ASTN1: variants seen among roughly 807,000 people sequenced by gnomAD.
ASTN1 encodes the protein astrotactin-1.
Under a neutral mutation model 140.7 loss-of-function variants are expected in ASTN1, and 41 were observed. The ratio of observed to expected loss-of-function variants is 0.29; its 90% confidence interval spans 0.23 to 0.38. The LOEUF (loss-of-function observed/expected upper bound fraction) is 0.38, where lower values mean the gene tolerates loss of function less well. Ranked by LOEUF, ASTN1 falls within the 10% of genes least tolerant of loss-of-function variation. The pLI is 1.00. For synonymous variants in ASTN1, 640 were observed against 652.2 expected (o/e 0.98, Z 0.29); for missense variants, 1,479 against 1,678.8 (o/e 0.88, Z 2.08).
intron 16 of ASTN1, among the ~76,000 whole-genome samples, chr1:176,901,114 G>T (rs1228493182): frequency 6.6e-6 from 1 of 152,156 alleles, no homozygotes; most frequent in Non-Finnish European, 1.5e-5. Context: ...GGGTTCTTTT[G>T]AGATGCTCTG....
intron 2 of ASTN1, among the ~76,000 whole-genome samples, chr1:177,042,274 A>G (rs1480682397): frequency 6.6e-6 from 1 of 152,098 alleles, no homozygotes; most frequent in African/African-American, 2.4e-5. Flanking sequence ...GTGCCGTGAG[A>G]TCTGGTGTGA....
intron 1 of ASTN1, among the ~76,000 whole-genome samples, chr1:177,104,549 T>G (rs1311767056): frequency 2.0e-5 from 3 of 152,200 alleles, no homozygotes; most frequent in Non-Finnish European, 4.4e-5. Flanking sequence ...TCCATTAATA[T>G]TCCCCACATA....
chr1:177,111,882 C>T (rs750821530), intron 1 of ASTN1, among the ~76,000 whole-genome samples: 1 of 152,162 alleles, frequency 6.6e-6, no homozygotes, highest in Admixed American at 6.5e-5. Context: ...CGTGAATCCA[C>T]CCAACAGGCC....
At chr1:177,033,308 T>G (rs1404667364) in intron 2 of ASTN1, among the ~76,000 whole-genome samples, 1 of 152,174 alleles carries the variant, frequency 6.6e-6, no homozygotes, top group Non-Finnish European at 1.5e-5. Context: ...AATCATAGAT[T>G]CTAACAGTGG....
rs111342361 is a variant in ASTN1, at chr1:177,130,510, G to T, written c.283+33884C>A. The stretch of plus-strand genomic sequence containing the variant: ...CTTCTTTTCTAATGATTTAGGTCCA[G>T]AAAAATACCGTGCTTCACCTCCCCC... On this transcript the variant is annotated intron_variant, in intron 1 of 22. Coordinates refer to ENST00000361833, the MANE Select transcript of ASTN1 (RefSeq NM_004319.3). 2.5e-3 allele frequency among the ~76,000 whole-genome samples: 374 copies of T among 152,272 alleles called. 2 individuals carry two copies. The highest frequency in any genetic ancestry group is 8.1e-3 in the African/African-American group (338 of 41,550).
intron 14 of ASTN1, among the ~76,000 whole-genome samples, chr1:176,939,882 G>A (rs1019780833): frequency 4.6e-5 from 7 of 151,126 alleles, no homozygotes; most frequent in Admixed American, 1.3e-4. Flanking sequence ...AGGGAGGGAC[G>A]GAGGAAGGGA....
chr1:176,978,524 G>A (rs1673466131), intron 8 of ASTN1, among the ~76,000 whole-genome samples: 1 of 152,188 alleles, frequency 6.6e-6, no homozygotes, highest in African/African-American at 2.4e-5. Flanking sequence ...CGAGGAAGAG[G>A]AAATAGTGTA....
chr1:177,089,026 A>C (rs573777905), intron 1 of ASTN1, among the ~76,000 whole-genome samples: 8 of 151,882 alleles, frequency 5.3e-5, no homozygotes, highest in African/African-American at 1.9e-4. Flanking sequence ...TTCCCAGCAC[A>C]CTCCTCCCCT....
intron 1 of ASTN1, among the ~76,000 whole-genome samples, chr1:177,118,065 A>T (rs532880522): frequency 6.6e-6 from 1 of 152,284 alleles, no homozygotes; most frequent in East Asian, 1.9e-4. Flanking sequence ...ATATTTATTT[A>T]TACATCTGTA....
chr1:177,006,027 A>C (rs1467990131), intron 8 of ASTN1, among the ~76,000 whole-genome samples: 1 of 152,122 alleles, frequency 6.6e-6, no homozygotes, highest in Non-Finnish European at 1.5e-5. Flanking sequence ...TGTTCCTACA[A>C]CCTCTTATTA....
intron 8 of ASTN1, among the ~76,000 whole-genome samples, chr1:177,000,836 T>C (rs1323101845): frequency 6.6e-6 from 1 of 152,118 alleles, no homozygotes; most frequent in South Asian, 2.1e-4. Flanking sequence ...CAAACAGTGG[T>C]TGGGCAGCCA....
At chr1:176,915,334 G>C (rs1670435046) in intron 16 of ASTN1, among the ~76,000 whole-genome samples, 1 of 152,064 alleles carries the variant, frequency 6.6e-6, no homozygotes, top group South Asian at 2.1e-4. Flanking sequence ...ACTAAGGCTT[G>C]GAGGCTTTAA....
chr1:177,149,103 A>T (rs1286677848), intron 1 of ASTN1, among the ~76,000 whole-genome samples: 3 of 137,514 alleles, frequency 2.2e-5, no homozygotes, highest in Non-Finnish European at 4.6e-5. Context: ...TAGTAAATAT[A>T]TATAGTGTAT....
intron 2 of ASTN1, among the ~76,000 whole-genome samples, chr1:177,058,482 A>C (rs1677917799): frequency 6.6e-6 from 1 of 152,200 alleles, no homozygotes; most frequent in Non-Finnish European, 1.5e-5. Context: ...GGTGACAAGT[A>C]GCATATGAAG....
chr1:177,157,650 T>A lies in ASTN1; in HGVS notation c.283+6744A>T, dbSNP rs565961327. On this transcript the variant is annotated intron_variant, in intron 1 of 22. Coordinates refer to ENST00000361833, the MANE Select transcript of ASTN1 (RefSeq NM_004319.3). ...TTTAAAAATTAATTTGTATTTTTTT[T>A]TAAAAAAAAGGAAAACAAGTATCAG... Among the ~76,000 whole-genome samples, 36 of 152,076 alleles carry A rather than the reference T, an allele frequency of 2.4e-4. No individual in the cohort carries two copies. In the East Asian group the frequency reaches 4.3e-3, roughly 18 times the overall value.
At chr1:177,073,196 A>G (rs1678726715) in intron 1 of ASTN1, among the ~76,000 whole-genome samples, 1 of 152,202 alleles carries the variant, frequency 6.6e-6, no homozygotes, top group African/African-American at 2.4e-5. Context: ...ATTCTGTGCC[A>G]GGGGACATTC....
At chr1:177,128,607 C>A (rs779387608) in intron 1 of ASTN1, among the ~76,000 whole-genome samples, 4 of 152,316 alleles carry the variant, frequency 2.6e-5, no homozygotes, top group Middle Eastern at 3.4e-3. Context: ...ACTCCCAAAT[C>A]AAAATCTAGA....
intron 14 of ASTN1, among the ~76,000 whole-genome samples, chr1:176,941,796 T>C (rs1226815945): frequency 6.6e-6 from 1 of 152,230 alleles, no homozygotes; most frequent in African/African-American, 2.4e-5. Flanking sequence ...ATCTTATTAC[T>C]GGTGTGGTAC....
At chr1:177,065,765 T>C (rs1678323568) in intron 1 of ASTN1, among the ~76,000 whole-genome samples, 1 of 152,106 alleles carries the variant, frequency 6.6e-6, no homozygotes, top group Non-Finnish European at 1.5e-5. Context: ...ATTTAAGTAG[T>C]TCAGAACTAA....
Sources: allele counts gnomAD v4.1 joint callset (sites outside exome capture counted in the v4.1 genomes callset), GRCh38; gene constraint gnomAD v4.1.1; transcripts MANE v1.5; gene names NCBI Gene and HGNC (gene_info 2026-07-23, HGNC 2026-07-21).